GPHN: variants seen among roughly 807,000 people sequenced by gnomAD.
GPHN encodes gephyrin.
GPHN carries 17 observed loss-of-function variants against 95.5 expected under a neutral mutation model. The observed-to-expected ratio is 0.18, with a 90% CI of 0.12 to 0.27. The LOEUF is 0.27. Ranked by LOEUF, GPHN falls within the 10% of genes least tolerant of loss-of-function variation. The probability of loss-of-function intolerance (pLI) is 1.00; values close to 1 mark genes in which losing one functional copy is unlikely to be tolerated. For missense variants in GPHN, 660 were observed against 978.1 expected (o/e 0.67, Z 4.34); for synonymous variants, 320 against 322.5 (o/e 0.99, Z 0.08).
At chr14:66,709,872 TTTGAG>T (rs2069448430) in intron 2 of GPHN, among the ~76,000 whole-genome samples, 1 of 151,916 alleles carries the variant, frequency 6.6e-6, no homozygotes, top group Non-Finnish European at 1.5e-5. Context: ...GAGAAGACAA[TTTGAG>T]TTATCAGTGT....
intron 1 of GPHN, among the ~76,000 whole-genome samples, chr14:66,546,448 G>T (rs967632812): frequency 6.6e-6 from 1 of 152,078 alleles, no homozygotes; most frequent in Non-Finnish European, 1.5e-5. Context: ...GTAGTGAGCC[G>T]AGATCACGCC....
At chr14:67,254,602 C>T in the GPHN span, among the ~76,000 whole-genome samples, 1 of 152,146 alleles carries the variant, frequency 6.6e-6, no homozygotes. Flanking sequence ...TCCTGAAATA[C>T]TCTCTACTGT....
chr14:67,325,350 C>T, the GPHN span, among the ~76,000 whole-genome samples: 1 of 152,178 alleles, frequency 6.6e-6, no homozygotes, highest in African/African-American at 2.4e-5. Flanking sequence ...TATCATCCTA[C>T]ATGATGAGCA....
chr14:67,345,480 A>G, the GPHN span, among the ~76,000 whole-genome samples: 7 of 152,156 alleles, frequency 4.6e-5, no homozygotes, highest in South Asian at 1.0e-3. Context: ...ACTTGAACCC[A>G]GGAGGCAGAG....
At chr14:66,797,810 T>G (rs2060210967) in intron 3 of GPHN, among the ~76,000 whole-genome samples, 1 of 151,952 alleles carries the variant, frequency 6.6e-6, no homozygotes, top group African/African-American at 2.4e-5. Flanking sequence ...TTGGATTTTC[T>G]TTATATATTT....
At chr14:66,966,584 A>G (rs111674866) in intron 9 of GPHN, among the ~76,000 whole-genome samples, 2,295 of 152,146 alleles carry the variant, frequency 0.015, 32 homozygotes, top group Non-Finnish European at 0.018. Context: ...TCTCATCTAT[A>G]TCTTTTATAT....
chr14:67,473,536 T>A, the GPHN span: 2 of 1,613,906 alleles, frequency 1.2e-6, no homozygotes, highest in African/African-American at 2.7e-5. This position sits in a 1 kb window ranked among gnomAD's most constrained non-coding sequence, Gnocchi z 6.5. Flanking sequence ...TGCTCCATGA[T>A]GAGGGCCCCG....
intron 1 of GPHN, among the ~76,000 whole-genome samples, chr14:66,527,382 C>A (rs1426864262): frequency 1.4e-5 from 2 of 145,084 alleles, no homozygotes; most frequent in Non-Finnish European, 3.0e-5. Context: ...AGTGTTTTAT[C>A]TATTTTGTTG....
the GPHN span, among the ~76,000 whole-genome samples, chr14:67,598,113 G>A: frequency 3.9e-5 from 6 of 152,144 alleles, no homozygotes; most frequent in African/African-American, 1.4e-4. Flanking sequence ...GGGTTAAGCT[G>A]TATGTTTGAA....
chr14:67,641,668 G>C, the GPHN span, among the ~76,000 whole-genome samples: 1 of 152,194 alleles, frequency 6.6e-6, no homozygotes, highest in Non-Finnish European at 1.5e-5. Flanking sequence ...TGGCCAGGCA[G>C]GTGGCTCATG....
At chr14:67,094,604 T>C (rs8013724) in intron 12 of GPHN, among the ~76,000 whole-genome samples, 39,341 of 152,078 alleles carry the variant, frequency 0.26, 10,372 homozygotes, top group African/African-American at 0.65. Flanking sequence ...ATGCCTCCGC[T>C]TCTGCCCTCT....
At chr14:66,794,296 C>G (rs1039105127) in intron 3 of GPHN, among the ~76,000 whole-genome samples, 1 of 152,026 alleles carries the variant, frequency 6.6e-6, no homozygotes, top group Non-Finnish European at 1.5e-5. Flanking sequence ...TAGCCCCTTC[C>G]CACTTGCTCT....
chr14:66,972,028 G>A (rs972168343), intron 9 of GPHN, among the ~76,000 whole-genome samples: 1 of 152,046 alleles, frequency 6.6e-6, no homozygotes, highest in African/African-American at 2.4e-5. Flanking sequence ...AGCACTTTGG[G>A]AGGCTGAGGC....
intron 4 of GPHN, among the ~76,000 whole-genome samples, chr14:66,842,926 TCTC>T (rs2062156412): frequency 2.0e-5 from 3 of 152,104 alleles, no homozygotes; most frequent in African/African-American, 4.8e-5. Context: ...TGTGTGCTGT[TCTC>T]TTGTGGATTC....
At chr14:66,775,934 AAAG>A (rs1186993121) in intron 2 of GPHN, among the ~76,000 whole-genome samples, 1 of 152,176 alleles carries the variant, frequency 6.6e-6, no homozygotes, top group African/African-American at 2.4e-5. Flanking sequence ...TTACGTAAAA[AAAG>A]AAGCAGAATC....
At chr14:66,843,746 T>A (rs1469115960) in intron 4 of GPHN, among the ~76,000 whole-genome samples, 1 of 152,204 alleles carries the variant, frequency 6.6e-6, no homozygotes, top group East Asian at 1.9e-4. Context: ...CCAGTCCAGT[T>A]TGCTCCTAAA....
At chr14:67,541,982 C>G in the GPHN span, 1 of 1,605,982 alleles carries the variant, frequency 6.2e-7, no homozygotes, top group Non-Finnish European at 8.5e-7. Flanking sequence ...AAGGGAGCTG[C>G]TGGCTGACAA....
At chr14:67,308,468 C>T in the GPHN span, among the ~76,000 whole-genome samples, 901 of 151,654 alleles carry the variant, frequency 5.9e-3, 12 homozygotes, top group African/African-American at 0.018. Context: ...TATACTTTTC[C>T]AAAGGAGTGT....
chr14:66,694,269 A>G (rs149063308), intron 2 of GPHN, among the ~76,000 whole-genome samples: 1 of 152,254 alleles, frequency 6.6e-6, no homozygotes, highest in Admixed American at 6.5e-5. Context: ...ACAGACATCT[A>G]TCAATCAGGA....
Sources: allele counts gnomAD v4.1 joint callset (sites outside exome capture counted in the v4.1 genomes callset), GRCh38; gene constraint gnomAD v4.1.1; non-coding constraint Gnocchi (gnomAD v3.1); transcripts MANE v1.5; gene names NCBI Gene and HGNC (gene_info 2026-07-23, HGNC 2026-07-21).